CIP2A: variants seen among roughly 807,000 people sequenced by gnomAD.
CIP2A encodes protein CIP2A.
In CIP2A, 103 loss-of-function variants were observed where a neutral mutation model predicts 110.9. The observed-to-expected ratio is 0.93, with a 90% CI of 0.79 to 1.09. The LOEUF (loss-of-function observed/expected upper bound fraction) is 1.09, where lower values mean the gene tolerates loss of function less well. CIP2A is among the 50% of genes least tolerant of loss of function. CIP2A has a pLI of 0.00. For missense variants in CIP2A, 1,088 were observed against 1,038.4 expected (o/e 1.05, Z -0.66); for synonymous variants, 381 against 361.6 (o/e 1.05, Z -0.61).
chr3:108,562,910 C>G (rs1169978059), intron 13 of CIP2A, among the ~76,000 whole-genome samples: 1 of 152,146 alleles, frequency 6.6e-6, no homozygotes. Flanking sequence ...ACCTGAAGAA[C>G]ATTTAACTGC....
intron 1 of CIP2A, among the ~76,000 whole-genome samples, chr3:108,588,427 T>C (rs1339291669): frequency 6.6e-6 from 1 of 152,220 alleles, no homozygotes; most frequent in African/African-American, 2.4e-5. Context: ...GCTCTACTAC[T>C]GGAAATCATT....
rs745591488 is a variant in CIP2A, at chr3:108,557,417, CA to C, written c.2014-4del. On this transcript the variant is annotated splice_polypyrimidine_tract_variant and splice_region_variant and intron_variant, in intron 16 of 20. Transcript: ENST00000295746. ...AACATACTAGCAAGTGTCCGTGCCTCAAAAAAAAAAAGAAGATAGACTTTAC... is the reference window on the plus strand; with the variant it reads ...AACATACTAGCAAGTGTCCGTGCCTCAAAAAAAAAAGAAGATAGACTTTAC... 42,534 of 1,047,404 alleles carry C rather than the reference CA, an allele frequency of 0.041. 1 individual carries two copies. The highest frequency in any genetic ancestry group is 0.081 in the South Asian group (4,631 of 57,176). The allele number at this position is 1,047,404 out of a possible 1,614,324, so 64.9% of individuals were successfully genotyped here.
Position 108,560,861 on chromosome 3 carries a change from AG to A in CIP2A, c.1635-21del, listed in dbSNP as rs1937984324. On this transcript the variant is annotated intron_variant, in intron 13 of 20. Transcript: ENST00000295746. ...CCAAGTCTGAATGGGAGTCAAAGAA[AG>A]GAAAAAAAAATTATACGAAAATAGA... 6.7e-7 allele frequency: 1 copy of A among 1,497,490 alleles called. No homozygotes were observed. 92.8% of individuals were successfully genotyped at this position (1,497,490 alleles called of 1,614,324 possible). A position where few individuals can be genotyped will look rare whatever the true frequency, so the allele number is the denominator to read the frequency against.
chr3:108,584,966 G>T, intron 2 of CIP2A, 99 bp downstream of exon 2: 3 of 1,126,458 alleles, frequency 2.7e-6, no homozygotes, highest in Non-Finnish European at 3.8e-6. Context: ...AGTCTTTGAA[G>T]GTGAATCATT....
chr3:108,578,792 T>C (rs569019392), intron 7 of CIP2A, among the ~76,000 whole-genome samples: 1 of 152,268 alleles, frequency 6.6e-6, no homozygotes, highest in Non-Finnish European at 1.5e-5. Context: ...AGGACATATG[T>C]TCCTATTTTA....
chr3:108,552,202 TAC>T, intron 20 of CIP2A, 30 bp downstream of exon 20: 1 of 1,526,436 alleles, frequency 6.6e-7, no homozygotes, highest in Non-Finnish European at 8.8e-7. Flanking sequence ...TTTTTTATTT[TAC>T]TGCAAATGAG....
At chr3:108,579,190 T>G (rs1938778082) in intron 7 of CIP2A, 91 bp downstream of exon 7, 1 of 981,430 alleles carries the variant, frequency 1.0e-6, no homozygotes, top group South Asian at 1.5e-5. Flanking sequence ...AATCCAAGTT[T>G]ATTATATTTT....
intron 8 of CIP2A, among the ~76,000 whole-genome samples, chr3:108,571,195 A>C (rs1204271511): frequency 1.3e-5 from 2 of 152,156 alleles, no homozygotes; most frequent in East Asian, 3.8e-4. Flanking sequence ...TGGCTGTTTT[A>C]CAGTTAACTT....
At chr3:108,558,150 G>A (rs1445025764) in intron 16 of CIP2A, among the ~76,000 whole-genome samples, 5 of 151,976 alleles carry the variant, frequency 3.3e-5, no homozygotes, top group Non-Finnish European at 2.9e-5. Context: ...TGTGCTATGG[G>A]GAGAGGGAAA....
At chr3:108,580,726 TCAAG>T (rs974860632) in intron 5 of CIP2A, among the ~76,000 whole-genome samples, 12 of 151,966 alleles carry the variant, frequency 7.9e-5, no homozygotes, top group African/African-American at 2.7e-4. Context: ...CCTCCCGGGT[TCAAG>T]CAATTCCCCT....
In CIP2A at chr3:108,575,894, G is replaced by GTA. The variant is rs1393032464; in HGVS notation, c.894+375_894+376dup. ...TATATACTCATATACATGTGTATGA[G>GTA]TATATATACATATATACATATACGT... is the stretch of plus-strand genomic sequence containing the variant. On this transcript the variant is annotated intron_variant, in intron 8 of 20. Transcript: ENST00000295746. Among the ~76,000 whole-genome samples, 2 of 69,756 alleles carry GTA rather than the reference G, an allele frequency of 2.9e-5. 1 individual carries two copies. Among genetic ancestry groups the GTA allele is most frequent in the African/African-American group, 8.4e-5 (2 of 23,760 alleles). The allele number at this position is 69,756 out of a possible 152,430, so 45.8% of individuals were successfully genotyped here.
intron 9 of CIP2A, 46 bp from the exon 10 acceptor site, chr3:108,568,360 T>C (rs570869088): frequency 6.6e-7 from 1 of 1,524,360 alleles, no homozygotes; most frequent in African/African-American, 1.4e-5. Context: ...AGATGGAATA[T>C]ACAATACAGA....
chr3:108,560,602 C>A, intron 14 of CIP2A, 47 bp downstream of exon 14: 1 of 1,173,606 alleles, frequency 8.5e-7, no homozygotes, highest in South Asian at 1.6e-5. Context: ...TTGGGACTGA[C>A]ATATAGCTAA....
At chr3:108,553,121 G>GTTTTTTTT (rs768832281) in intron 19 of CIP2A, among the ~76,000 whole-genome samples, 2 of 67,156 alleles carry the variant, frequency 3.0e-5, no homozygotes, top group African/African-American at 1.1e-4. Context: ...CTTTCCTTTT[G>GTTTTTTTT]TTTTTTTTTT....
chr3:108,554,565 T>C lies in CIP2A; in HGVS notation c.2211-76A>G, dbSNP rs1937716723. On this transcript the variant is annotated intron_variant, in intron 17 of 20. Coordinates refer to ENST00000295746, the MANE Select transcript of CIP2A (RefSeq NM_020890.3). ...AGGAGAAAAGAAGCTCACAGTGTTT[T>C]CTTTACTATCTCTTCTAACCAAATT... 5 of 651,356 alleles carry C rather than the reference T, an allele frequency of 7.7e-6. No individual in the cohort carries two copies. In the Admixed American group the frequency reaches 1.2e-4, roughly 16 times the overall value. 40.3% of individuals were successfully genotyped at this position (651,356 alleles called of 1,614,324 possible). A position where few individuals can be genotyped will look rare whatever the true frequency, so the allele number is the denominator to read the frequency against.
In CIP2A at chr3:108,583,034, A is replaced by G; in HGVS notation, c.300T>C (p.Asn100=). ...GACAAACCACTCCCGCCAGCACACT[A>G]TTCAGATTATATGTATTCTGAAGAC... is the stretch of plus-strand genomic sequence containing the variant. ...RDCLQNTYNL[N]SVLAGVVCRS... The change falls in exon 3 of 21, where the codon AAT becomes AAC. Residue 100 remains asparagine (N), a synonymous_variant. Coordinates refer to ENST00000295746, the MANE Select transcript of CIP2A (RefSeq NM_020890.3). 1.9e-6 allele frequency: 3 copies of G among 1,607,902 alleles called. No individual in the cohort carries two copies. Among genetic ancestry groups the G allele is most frequent in the South Asian group, 2.2e-5 (2 of 89,734 alleles).
chr3:108,553,499 A>C (rs1937649078), intron 19 of CIP2A, 149 bp downstream of exon 19: 2 of 687,322 alleles, frequency 2.9e-6, no homozygotes, highest in African/African-American at 3.7e-5. Context: ...TGCTTTTGTG[A>C]AACATTATGT....
At chr3:108,586,628 C>A (rs1301988787) in intron 1 of CIP2A, among the ~76,000 whole-genome samples, 1 of 152,156 alleles carries the variant, frequency 6.6e-6, no homozygotes, top group Non-Finnish European at 1.5e-5. Context: ...TATGTGAACT[C>A]TTTTCATCTT....
At chr3:108,558,422 G>C (rs1196000055) in intron 16 of CIP2A, among the ~76,000 whole-genome samples, 6 of 151,962 alleles carry the variant, frequency 3.9e-5, no homozygotes, top group Admixed American at 3.3e-4. Flanking sequence ...GTATCTGCTG[G>C]GAATTTCATA....
Sources: gnomAD v4.1 joint callset for allele counts (sites outside exome capture counted in the v4.1 genomes callset) on GRCh38, gnomAD v4.1.1 for gene constraint, MANE v1.5 for transcripts, NCBI Gene and HGNC (gene_info 2026-07-23, HGNC 2026-07-21) for gene names.